LDB1: variants seen among roughly 807,000 people sequenced by gnomAD.
LDB1 encodes LIM domain-binding protein 1.
Under a neutral mutation model 49.7 loss-of-function variants are expected in LDB1, and 6 were observed. The observed-to-expected ratio is 0.12, with a 90% CI of 0.07 to 0.24. LDB1 has a LOEUF of 0.24. Among genes scored for constraint, LDB1 ranks in the 10% least tolerant of loss-of-function variants. The pLI is 1.00. For synonymous variants in LDB1, 233 were observed against 202.0 expected (o/e 1.15, Z -1.30); for missense variants, 341 against 561.7 (o/e 0.61, Z 3.97).
intron 1 of LDB1, among the ~76,000 whole-genome samples, chr10:102,112,225 C>T (rs1458655621): frequency 6.6e-6 from 1 of 152,160 alleles, no homozygotes; most frequent in Non-Finnish European, 1.5e-5. Flanking sequence ...ACTCAATCAT[C>T]AAAACAACCT....
At chr10:102,112,695 G>C (rs376592155) in intron 1 of LDB1, among the ~76,000 whole-genome samples, 1 of 151,976 alleles carries the variant, frequency 6.6e-6, no homozygotes, top group East Asian at 1.9e-4. Flanking sequence ...CGGGGAAGCA[G>C]GCAGATGAGC....
chr10:102,120,731 C>T (rs1397935187), upstream of LDB1, among the ~76,000 whole-genome samples: 1 of 152,126 alleles, frequency 6.6e-6, no homozygotes, highest in Admixed American at 6.5e-5. Flanking sequence ...GGCTTGGAGG[C>T]GCAGCCGCGC....
At chr10:102,119,916 C>A (rs1382328638) in intron 1 of LDB1, among the ~76,000 whole-genome samples, 170 bp downstream of exon 1, 2 of 151,930 alleles carry the variant, frequency 1.3e-5, no homozygotes, top group East Asian at 3.9e-4. Context: ...CGCATTTACA[C>A]AGTTGGGGAA....
chr10:102,120,372 C>CGTGTGTGCGT (rs2068402368), upstream of LDB1: 2 of 983,874 alleles, frequency 2.0e-6, no homozygotes, highest in African/African-American at 1.8e-5. Flanking sequence ...AGTGTGTGTC[C>CGTGTGTGCGT]GTGTGTGCGT....
Position 102,108,089 on chromosome 10 carries a change from C to A in LDB1, c.*4G>T, listed in dbSNP as rs748728287. ...AGAGCACTGGGTGGCCACAGCAGGGCCTTTTACTGGGAGGCCTGTGACGTG... is the reference window on the plus strand; with the variant it reads ...AGAGCACTGGGTGGCCACAGCAGGGACTTTTACTGGGAGGCCTGTGACGTG... On this transcript the variant is annotated 3_prime_UTR_variant, in exon 11 of 11. Coordinates refer to ENST00000673968, the MANE Select transcript of LDB1 (RefSeq NM_001113407.3). 1.2e-6 allele frequency: 2 copies of A among 1,611,336 alleles called. No homozygotes were observed. Among genetic ancestry groups the A allele is most frequent in the Non-Finnish European group, 1.7e-6 (2 of 1,177,710 alleles).
downstream of LDB1, among the ~76,000 whole-genome samples, chr10:102,104,409 C>G (rs2068139191): frequency 6.6e-6 from 1 of 152,124 alleles, no homozygotes; most frequent in Admixed American, 6.5e-5. Flanking sequence ...CAGATCCAGG[C>G]CCTCCCTAGC....
At chr10:102,114,951 TCTCCCTGCCTCCCTCC>T (rs1432622109) in intron 1 of LDB1, 3 of 531,494 alleles carry the variant, frequency 5.6e-6, no homozygotes, top group Non-Finnish European at 2.4e-6. Flanking sequence ...TCTCCCTTTC[TCTCCCTGCCTCCCTCC>T]CTCCCCGCTC....
In LDB1 at chr10:102,109,863, T is replaced by C. The variant is rs2068224206; in HGVS notation, c.648+58A>G. The C allele has an allele frequency of 1.9e-6, 3 of 1,588,956 alleles. No homozygotes were observed. Among genetic ancestry groups the C allele is most frequent in the Non-Finnish European group, 2.6e-6 (3 of 1,167,600 alleles). ...GTCAGTCGGGAAATGGCAGACCTTG[T>C]TCCACCCTTCCCCCGCCTGCCTTCA... On this transcript the variant is annotated intron_variant, in intron 7 of 10. Transcript: ENST00000673968. The surrounding 1 kb of genome is among the most constrained non-coding windows in gnomAD (Gnocchi z 5.8).
At chr10:102,120,541 G>A, upstream of LDB1, 1 of 250,328 alleles carries the variant, frequency 4.0e-6, no homozygotes, top group Non-Finnish European at 6.3e-6. Context: ...TCCTGCTAGT[G>A]GGAGGGGAGA....
rs576827591 is a variant in LDB1, at chr10:102,107,976, G to A, written c.*117C>T. 15 of 833,840 alleles carry A rather than the reference G, an allele frequency of 1.8e-5. No homozygotes were observed. The highest frequency in any genetic ancestry group is 7.7e-5 in the South Asian group (5 of 64,630). 51.7% of individuals were successfully genotyped at this position (833,840 alleles called of 1,614,324 possible). ...AGAGAGTCCAGTTCCTCCCTGAAGCGGGTGGATGGAGGCTGCCCATTTTAG... is the reference window on the plus strand; with the variant it reads ...AGAGAGTCCAGTTCCTCCCTGAAGCAGGTGGATGGAGGCTGCCCATTTTAG... On this transcript the variant is annotated 3_prime_UTR_variant, in exon 11 of 11. Transcript: ENST00000673968.
chr10:102,106,592 C>G lies in LDB1; in HGVS notation c.*1501G>C, dbSNP rs2068163250. Among the ~76,000 whole-genome samples the G allele has an allele frequency of 1.1e-5, 1 of 94,876 alleles. No homozygotes were observed. The highest frequency in any genetic ancestry group is 3.9e-4 in the South Asian group (1 of 2,538). The allele number at this position is 94,876 out of a possible 152,430, so 62.2% of individuals were successfully genotyped here. A position where few individuals can be genotyped will look rare whatever the true frequency, so the allele number is the denominator to read the frequency against. ...AAAAAAAAAAAAAAAAAAGGCATTACAGTTGGGATGGGATGTCCACCTTCC... is the reference window on the plus strand; with the variant it reads ...AAAAAAAAAAAAAAAAAAGGCATTAGAGTTGGGATGGGATGTCCACCTTCC... On this transcript the variant is annotated 3_prime_UTR_variant, in exon 11 of 11. Transcript: ENST00000673968.
At chr10:102,103,481 T>C (rs557880453), downstream of LDB1, among the ~76,000 whole-genome samples, 1 of 152,026 alleles carries the variant, frequency 6.6e-6, no homozygotes, top group Non-Finnish European at 1.5e-5. Context: ...GCTGGGACTA[T>C]AGATGCACCA....
At chr10:102,111,954 A>C (rs879287195) in intron 1 of LDB1, among the ~76,000 whole-genome samples, 1 of 152,112 alleles carries the variant, frequency 6.6e-6, no homozygotes, top group Non-Finnish European at 1.5e-5. Context: ...GCCTGATTAT[A>C]AGAGAGTGGT....
intron 1 of LDB1, among the ~76,000 whole-genome samples, chr10:102,116,556 T>A (rs1461365310): frequency 6.6e-6 from 1 of 152,032 alleles, no homozygotes; most frequent in African/African-American, 2.4e-5. Context: ...GTCTAAGTCA[T>A]ACACACTGGG....
Position 102,111,115 on chromosome 10 carries a change from T to C in LDB1, c.203A>G (p.Asp68Gly). ...TTTGTTAAGCTCAAATATTCTGTAG[T>C]CAGTTTGGTTGCCATATGGTGTGTG... ...GRHTPYGNQTDYRIFELNKRL... is the reference protein window; with the variant it reads ...GRHTPYGNQTGYRIFELNKRL... Residue 68 changes from aspartate (D) to glycine (G), a missense_variant, in exon 4 of 11, where the codon GAC (aspartate) becomes GGC (glycine). This residue lies in a region of LDB1 where 233 missense variants were observed against 385.7 expected (regional missense o/e 0.60). Transcript: ENST00000673968. 1 of 1,614,124 alleles carries C rather than the reference T, an allele frequency of 6.2e-7. No individual in the cohort carries two copies. Among genetic ancestry groups the C allele is most frequent in the Admixed American group, 1.7e-5 (1 of 60,032 alleles).
intron 1 of LDB1, 108 bp downstream of exon 1, chr10:102,119,977 TC>T: frequency 1.2e-6 from 1 of 816,030 alleles, no homozygotes; most frequent in Non-Finnish European, 1.8e-6. Context: ...GCCCCCGGCT[TC>T]CCCCATGCCA....
intron 1 of LDB1, among the ~76,000 whole-genome samples, chr10:102,112,258 T>A (rs2068267014): frequency 6.6e-6 from 1 of 152,202 alleles, no homozygotes; most frequent in South Asian, 2.1e-4. Flanking sequence ...GGGCTGACCA[T>A]AACATTCCCA....
In LDB1 at chr10:102,109,392, G is replaced by A; in HGVS notation, c.848C>T (p.Ala283Val). 1.2e-6 allele frequency: 2 copies of A among 1,614,148 alleles called. No homozygotes were observed. Among genetic ancestry groups the A allele is most frequent in the Non-Finnish European group, 1.7e-6 (2 of 1,180,036 alleles). The change falls in exon 9 of 11, where the codon GCA becomes GTA. Residue 283 changes from alanine (A) to valine (V), a missense_variant. Physicochemically the swap from Ala to Val is moderately conservative, Grantham distance 64. Coordinates refer to ENST00000673968, the MANE Select transcript of LDB1 (RefSeq NM_001113407.3). The surrounding 1 kb of genome is among the most constrained non-coding windows in gnomAD (Gnocchi z 5.8). ...CLFQKWQRMVAPPAEPTRQQP... is the reference protein window; with the variant it reads ...CLFQKWQRMVVPPAEPTRQQP... ...AGGTGCAAGGCACTCACCAGGGGGT[G>A]CTACCATGCGCTGCCACTTCTGGAA...
In LDB1 at chr10:102,109,708, A is replaced by G. The variant is rs774876810; in HGVS notation, c.649-25T>C. The G allele has an allele frequency of 1.5e-5, 24 of 1,610,692 alleles. No individual in the cohort carries two copies. Among genetic ancestry groups the G allele is most frequent in the Non-Finnish European group, 1.7e-5 (20 of 1,176,930 alleles). ...CCTAGAGTGGGAGAAAAGACAAGAA[A>G]GAACACTGACACCTGGGTTGCCTCT... On this transcript the variant is annotated intron_variant, in intron 7 of 10. Transcript: ENST00000673968. The surrounding 1 kb of genome is among the most constrained non-coding windows in gnomAD (Gnocchi z 5.8).
Sources: gnomAD v4.1 joint callset for allele counts (sites outside exome capture counted in the v4.1 genomes callset) on GRCh38, gnomAD v4.1.1 for gene constraint, gnomAD v4.1.1 regional missense constraint, Gnocchi (gnomAD v3.1) non-coding constraint, MANE v1.5 for transcripts, NCBI Gene and HGNC (gene_info 2026-07-23, HGNC 2026-07-21) for gene names.